The following PCDH15 variants were observed in gnomAD, a reference collection of about 807,000 sequenced individuals.
PCDH15 encodes the protein protocadherin-15.
A neutral mutation model predicts 178.5 loss-of-function variants in PCDH15; 129 were observed. The observed-to-expected ratio is 0.72, with a 90% CI of 0.63 to 0.84. The LOEUF (loss-of-function observed/expected upper bound fraction) is 0.84. Among genes scored for constraint, PCDH15 ranks in the 40% least tolerant of loss-of-function variants. The pLI, the probability that PCDH15 is intolerant of heterozygous loss-of-function variation, is 0.00. For missense variants in PCDH15, 2,230 were observed against 2,099.9 expected (o/e 1.06, Z -1.21); for synonymous variants, 800 against 732.0 (o/e 1.09, Z -1.50).
chr10:54,718,825 T>C (rs1414225876), intron 1 of PCDH15, among the ~76,000 whole-genome samples: 1 of 151,576 alleles, frequency 6.6e-6, no homozygotes, highest in Non-Finnish European at 1.5e-5. Context: ...GCCTCCCAAG[T>C]AGCTGGCACT....
At chr10:54,616,224 A>G (rs904873559) in intron 2 of PCDH15, among the ~76,000 whole-genome samples, 3 of 152,130 alleles carry the variant, frequency 2.0e-5, no homozygotes, top group African/African-American at 7.2e-5. Context: ...TCAAGGACTT[A>G]TAAAAGGGAG....
At chr10:54,210,139 C>T (rs1320274423) in intron 10 of PCDH15, among the ~76,000 whole-genome samples, 1 of 151,926 alleles carries the variant, frequency 6.6e-6, no homozygotes, top group Non-Finnish European at 1.5e-5. Context: ...TTTAGTTGTG[C>T]CATAACAAAG....
intron 3 of PCDH15, among the ~76,000 whole-genome samples, chr10:54,810,706 T>C (rs151265551): frequency 2.6e-4 from 39 of 152,238 alleles, no homozygotes; most frequent in Middle Eastern, 3.4e-3. Flanking sequence ...AGGACCCTAT[T>C]TGAAAATATG....
At chr10:54,030,852 G>A (rs2093271750) in intron 18 of PCDH15, among the ~76,000 whole-genome samples, 1 of 151,872 alleles carries the variant, frequency 6.6e-6, no homozygotes, top group African/African-American at 2.4e-5. Flanking sequence ...TCAAGTGTCA[G>A]TGGTTTGTTA....
intron 2 of PCDH15, among the ~76,000 whole-genome samples, chr10:55,069,908 T>C (rs1378560103): frequency 6.6e-6 from 1 of 152,146 alleles, no homozygotes; most frequent in Non-Finnish European, 1.5e-5. Flanking sequence ...TGTAAAAGTG[T>C]TCCCATTTCT....
At chr10:54,290,226 T>C (rs1328128124) in intron 8 of PCDH15, among the ~76,000 whole-genome samples, 1 of 152,130 alleles carries the variant, frequency 6.6e-6, no homozygotes, top group Non-Finnish European at 1.5e-5. Context: ...CCAGAACAGA[T>C]TGGGGGCCAA....
intron 2 of PCDH15, among the ~76,000 whole-genome samples, chr10:55,413,400 T>G (rs1838394297): frequency 6.6e-6 from 1 of 151,744 alleles, no homozygotes; most frequent in South Asian, 2.1e-4. Flanking sequence ...TTTAAAGGAC[T>G]ATATAAGTGA....
chr10:54,168,677 A>G (rs2046529082), intron 13 of PCDH15, among the ~76,000 whole-genome samples: 1 of 152,108 alleles, frequency 6.6e-6, no homozygotes, highest in Non-Finnish European at 1.5e-5. Flanking sequence ...CTTTTTCATC[A>G]AATATAAAAA....
chr10:55,566,880 C>A (rs1245509570), intron 2 of PCDH15, among the ~76,000 whole-genome samples: 1 of 151,720 alleles, frequency 6.6e-6, no homozygotes, highest in Admixed American at 6.6e-5. Flanking sequence ...ATAGACTTAA[C>A]GCAATCCCTA....
At chr10:54,155,931 A>G (rs1420882830) in intron 13 of PCDH15, among the ~76,000 whole-genome samples, 1 of 152,176 alleles carries the variant, frequency 6.6e-6, no homozygotes, top group Non-Finnish European at 1.5e-5. Context: ...TAATTCAATT[A>G]TAGTTCAATG....
chr10:53,991,048 C>T (rs374465812), intron 21 of PCDH15, among the ~76,000 whole-genome samples: 81 of 152,260 alleles, frequency 5.3e-4, no homozygotes, highest in African/African-American at 1.4e-3. Context: ...CACCTCCCCA[C>T]GGGGCAGGGC....
chr10:54,290,772 A>G (rs2059350618), intron 8 of PCDH15, among the ~76,000 whole-genome samples: 1 of 152,202 alleles, frequency 6.6e-6, no homozygotes, highest in Admixed American at 6.5e-5. Flanking sequence ...CAGATTTTAA[A>G]CCAACAAAGA....
At chr10:55,031,583 G>A (rs1840611211) in intron 2 of PCDH15, among the ~76,000 whole-genome samples, 1 of 152,206 alleles carries the variant, frequency 6.6e-6, no homozygotes, top group African/African-American at 2.4e-5. Flanking sequence ...AGGAGGGGCT[G>A]TGGTTTGAAT....
chr10:54,971,304 G>T (rs1353499963), intron 2 of PCDH15, among the ~76,000 whole-genome samples: 1 of 152,126 alleles, frequency 6.6e-6, no homozygotes, highest in African/African-American at 2.4e-5. Context: ...ACATGAAATG[G>T]CTGAGGGAAC....
rs868564727 is a variant in PCDH15, at chr10:54,717,265, C to G, written c.-28-52975G>C. 2.7e-3 allele frequency among the ~76,000 whole-genome samples: 325 copies of G among 120,500 alleles called. 14 individuals are homozygous for G. The highest frequency in any genetic ancestry group is 0.019 in the Middle Eastern group (5 of 258). The allele number at this position is 120,500 out of a possible 152,430, so 79.1% of individuals were successfully genotyped here. A position where few individuals can be genotyped will look rare whatever the true frequency, so the allele number is the denominator to read the frequency against. On this transcript the variant is annotated intron_variant, in intron 1 of 37. Coordinates refer to ENST00000644397, the MANE Select transcript of PCDH15 (RefSeq NM_001384140.1). ...AAAAGACAAAATTGACAAATGGGAT[C>G]TAATTAAACTAAAGAGCTTCTGCAC...
At chr10:54,470,456 G>A (rs1339718565) in intron 3 of PCDH15, among the ~76,000 whole-genome samples, 1 of 152,066 alleles carries the variant, frequency 6.6e-6, no homozygotes, top group East Asian at 1.9e-4. Flanking sequence ...TGGACTCTAG[G>A]GCAGGATGCA....
intron 3 of PCDH15, among the ~76,000 whole-genome samples, chr10:54,862,062 A>G (rs1953853580): frequency 6.6e-6 from 1 of 152,236 alleles, no homozygotes; most frequent in Admixed American, 6.5e-5. Context: ...TAACTTCTAA[A>G]GAATCTTCAG....
chr10:55,536,682 T>C (rs567311340), intron 2 of PCDH15, among the ~76,000 whole-genome samples: 4 of 152,238 alleles, frequency 2.6e-5, no homozygotes, highest in South Asian at 2.1e-4. Context: ...TATTTGTTTT[T>C]CCTGCTCTCT....
chr10:55,497,393 G>T (rs745493423), intron 2 of PCDH15, among the ~76,000 whole-genome samples: 11 of 151,676 alleles, frequency 7.3e-5, no homozygotes, highest in Non-Finnish European at 1.5e-4. Context: ...GCCTCACAAA[G>T]TGTTAGGATT....
Sources: allele counts gnomAD v4.1 joint callset (sites outside exome capture counted in the v4.1 genomes callset), GRCh38; gene constraint gnomAD v4.1.1; transcripts MANE v1.5; gene names NCBI Gene and HGNC (gene_info 2026-07-23, HGNC 2026-07-21).